NMRK1: variants seen among roughly 807,000 people sequenced by gnomAD.
NMRK1 encodes the protein nicotinamide riboside kinase 1, also known as NRK 1.
Under a neutral mutation model 29.9 loss-of-function variants are expected in NMRK1, and 28 were observed. That is an observed-to-expected ratio of 0.94 (90% CI 0.69 to 1.28). The LOEUF is 1.28. Ranked by LOEUF, NMRK1 falls within the 50% of genes most tolerant of loss-of-function variation. The pLI is 0.00. For synonymous variants in NMRK1, 58 were observed against 73.0 expected (o/e 0.79, Z 1.05); for missense variants, 218 against 233.1 (o/e 0.94, Z 0.42).
At chr9:75,084,460 A>T (rs1208535080) in intron 1 of NMRK1, among the ~76,000 whole-genome samples, 2 of 152,216 alleles carry the variant, frequency 1.3e-5, no homozygotes, top group Non-Finnish European at 2.9e-5. Context: ...ACTTCCATTA[A>T]CAAGTCTATG....
Position 75,069,898 on chromosome 9 carries a change from T to A in NMRK1, c.314A>T (p.Tyr105Phe), listed in dbSNP as rs564385440. 2.3e-5 allele frequency: 37 copies of A among 1,613,236 alleles called. No individual in the cohort carries two copies. The South Asian group carries it at 3.4e-4, about 15-fold the overall frequency. Reference sequence around the variant, plus strand: ...ATATTAGGGTGGAGATGCTTACTTATAATTAAAAAGAAGAAAACCTTCGAT... The same window carrying A: ...ATATTAGGGTGGAGATGCTTACTTAAAATTAAAAAGAAGAAAACCTTCGAT... ...LIIEGFLLFN[Y>F]KPLDTIWNRS... The change falls in exon 5 of 9, where the codon TAT becomes TTT. Residue 105 changes from tyrosine (Y) to phenylalanine (F), a missense_variant. Transcript: ENST00000361092.
chr9:75,072,253 A>G (rs1362127597), intron 4 of NMRK1, among the ~76,000 whole-genome samples: 1 of 152,156 alleles, frequency 6.6e-6, no homozygotes, highest in Non-Finnish European at 1.5e-5. Flanking sequence ...CCGTCCTGGA[A>G]TCTTTAGCCA....
At chr9:75,065,464 T>C (rs1489019024) in intron 8 of NMRK1, among the ~76,000 whole-genome samples, 2 of 152,068 alleles carry the variant, frequency 1.3e-5, no homozygotes, top group Non-Finnish European at 1.5e-5. Flanking sequence ...CCACTGTGCT[T>C]GGTAGCTAAT....
intron 3 of NMRK1, 45 bp downstream of exon 3, chr9:75,077,445 A>C: frequency 3.0e-6 from 4 of 1,326,192 alleles, no homozygotes; most frequent in Non-Finnish European, 4.3e-6. Context: ...GTGGTGGTTA[A>C]ACATTTTTGT....
chr9:75,068,918 C>G (rs571903756), intron 7 of NMRK1, 78 bp downstream of exon 7: 5 of 948,536 alleles, frequency 5.3e-6, no homozygotes, highest in African/African-American at 3.3e-5. Context: ...TTATACTTTT[C>G]TATGAGTCCT....
intron 8 of NMRK1, among the ~76,000 whole-genome samples, chr9:75,064,080 A>C (rs1000574302): frequency 6.6e-6 from 1 of 152,128 alleles, no homozygotes; most frequent in African/African-American, 2.4e-5. Context: ...AGGGAAATGC[A>C]CTTTCTTGTG....
At chr9:75,087,422 G>A (rs1306083586) in intron 1 of NMRK1, 2 of 152,180 alleles carry the variant, frequency 1.3e-5, no homozygotes, top group African/African-American at 4.8e-5. Flanking sequence ...GTGCCAGACA[G>A]GAAATGCTTT....
At chr9:75,075,833 C>T (rs2376397) in intron 4 of NMRK1, among the ~76,000 whole-genome samples, 36,525 of 152,096 alleles carry the variant, frequency 0.24, 4,853 homozygotes, top group African/African-American at 0.35. Flanking sequence ...GCAAAATTCT[C>T]TCATGGGTGG....
intron 2 of NMRK1, among the ~76,000 whole-genome samples, chr9:75,081,682 T>A (rs564158012): frequency 1.1e-4 from 17 of 152,270 alleles, no homozygotes; most frequent in African/African-American, 4.1e-4. Flanking sequence ...CTAGGTCCGG[T>A]TGGGACTGCT....
chr9:75,062,182 T>C (rs1823061453), intron 8 of NMRK1, among the ~76,000 whole-genome samples: 1 of 152,204 alleles, frequency 6.6e-6, no homozygotes, highest in African/African-American at 2.4e-5. Flanking sequence ...TAGGTGTAGA[T>C]ATTTTTTATG....
intron 4 of NMRK1, among the ~76,000 whole-genome samples, chr9:75,073,541 C>T (rs2118121751): frequency 6.6e-6 from 1 of 152,100 alleles, no homozygotes; most frequent in Admixed American, 6.5e-5. Context: ...GAGTTGGAGA[C>T]CAGCCTGGCC....
In NMRK1 at chr9:75,061,307, G is replaced by T. The variant is rs1478079608; in HGVS notation, c.*241C>A. ...GAAAGTGGAGACTTTCTGACTCACTGTGAGCTCTGCTGTATCTATGCGCTC... is the reference window on the plus strand; with the variant it reads ...GAAAGTGGAGACTTTCTGACTCACTTTGAGCTCTGCTGTATCTATGCGCTC... On this transcript the variant is annotated 3_prime_UTR_variant, in exon 9 of 9. Coordinates refer to ENST00000361092, the MANE Select transcript of NMRK1 (RefSeq NM_017881.3). The T allele has an allele frequency of 2.3e-6, 1 of 433,576 alleles. No individual in the cohort carries two copies. 26.9% of individuals were successfully genotyped at this position (433,576 alleles called of 1,614,324 possible).
At chr9:75,087,930 C>A in intron 1 of NMRK1, 78 bp downstream of exon 1, 1 of 153,796 alleles carries the variant, frequency 6.5e-6, no homozygotes, top group Non-Finnish European at 1.4e-5. Flanking sequence ...CGGGCTCCAG[C>A]ACAGAAACCC....
At chr9:75,069,852 C>T (rs746364736) in intron 5 of NMRK1, 39 bp from the exon 6 acceptor site, 6 of 1,611,084 alleles carry the variant, frequency 3.7e-6, no homozygotes, top group Non-Finnish European at 5.1e-6. Context: ...GGGTTTTTAT[C>T]CCCCCATTCA....
intron 4 of NMRK1, among the ~76,000 whole-genome samples, chr9:75,072,871 AT>A (rs1823777301): frequency 6.6e-6 from 1 of 152,198 alleles, no homozygotes; most frequent in African/African-American, 2.4e-5. Flanking sequence ...AGAAAAAAAA[AT>A]ATGTATTCTG....
rs200367348 is a variant in NMRK1 at position 75,081,150 on chromosome 9, C to G, written c.29+1937G>C. Among the ~76,000 whole-genome samples the G allele has an allele frequency of 1.2e-4, 19 of 152,324 alleles. No homozygotes were observed. In the East Asian group the frequency reaches 3.7e-3, roughly 29 times the overall value. Reference sequence around the variant, plus strand: ...TTGAATAATTACTAAGTTATTACTTCCCTATGAAGTAATTATTCGATTGAG... The same window carrying G: ...TTGAATAATTACTAAGTTATTACTTGCCTATGAAGTAATTATTCGATTGAG... On this transcript the variant is annotated intron_variant, in intron 2 of 8. Transcript: ENST00000361092.
At chr9:75,075,263 T>C (rs1413614704) in intron 4 of NMRK1, among the ~76,000 whole-genome samples, 1 of 152,240 alleles carries the variant, frequency 6.6e-6, no homozygotes, top group Non-Finnish European at 1.5e-5. Flanking sequence ...ATAGTAATTC[T>C]TTTCCAATTG....
chr9:75,082,203 G>A (rs1824360959), intron 2 of NMRK1, among the ~76,000 whole-genome samples: 1 of 152,196 alleles, frequency 6.6e-6, no homozygotes. Context: ...GGGGACTAGG[G>A]AATGACAGCC....
chr9:75,071,407 T>C (rs761275127), intron 4 of NMRK1, among the ~76,000 whole-genome samples: 21 of 152,238 alleles, frequency 1.4e-4, no homozygotes, highest in Non-Finnish European at 2.8e-4. Flanking sequence ...CAAGCCTGTT[T>C]GCAATATTAT....
Sources: allele counts gnomAD v4.1 joint callset (sites outside exome capture counted in the v4.1 genomes callset), GRCh38; gene constraint gnomAD v4.1.1; transcripts MANE v1.5; gene names NCBI Gene and HGNC (gene_info 2026-07-23, HGNC 2026-07-21).